ESRRB: variants seen among roughly 807,000 people sequenced by gnomAD.
ESRRB encodes steroid hormone receptor ERR2.
ESRRB carries 16 observed loss-of-function variants against 46.0 expected under a neutral mutation model. The observed-to-expected ratio is 0.35, with a 90% confidence interval of 0.24 to 0.53. The LOEUF (loss-of-function observed/expected upper bound fraction) is 0.53. Among genes scored for constraint, ESRRB ranks in the 20% least tolerant of loss-of-function variants. The pLI is 0.93. For synonymous variants in ESRRB, 246 were observed against 259.6 expected (o/e 0.95, Z 0.50); for missense variants, 488 against 607.4 (o/e 0.80, Z 2.07).
chr14:76,371,576 C>T (rs1884626219), upstream of ESRRB: 2 of 152,276 alleles, frequency 1.3e-5, no homozygotes, highest in Admixed American at 1.3e-4. Flanking sequence ...CCTCCCCTTC[C>T]TGGGCTGGTG....
chr14:76,320,588 C>T (rs553044386), intron 1 of ESRRB, among the ~76,000 whole-genome samples: 2 of 152,204 alleles, frequency 1.3e-5, no homozygotes, highest in Non-Finnish European at 2.9e-5. Flanking sequence ...GCACTTGACA[C>T]GCTTTGGATG....
chr14:76,443,600 T>G (rs1406069825), intron 2 of ESRRB, among the ~76,000 whole-genome samples: 1 of 152,224 alleles, frequency 6.6e-6, no homozygotes, highest in Admixed American at 6.5e-5. Flanking sequence ...TTTTAGACTC[T>G]TTGAGGTCAG....
intron 2 of ESRRB, among the ~76,000 whole-genome samples, chr14:76,456,353 C>T (rs1159936559): frequency 6.6e-6 from 1 of 152,122 alleles, no homozygotes; most frequent in Non-Finnish European, 1.5e-5. Flanking sequence ...CATGATGGGC[C>T]AGAGAACCCA....
chr14:76,465,164 G>A (rs911242967), intron 3 of ESRRB, among the ~76,000 whole-genome samples: 6 of 152,148 alleles, frequency 3.9e-5, no homozygotes, highest in Admixed American at 1.3e-4. Context: ...AGCCCTACAG[G>A]GGCTGGGGTG....
At chr14:76,355,486 A>G (rs1884368896) in intron 1 of ESRRB, among the ~76,000 whole-genome samples, 1 of 152,094 alleles carries the variant, frequency 6.6e-6, no homozygotes. Flanking sequence ...CATCCAAGCC[A>G]TGTCACTGAG....
At chr14:76,384,347 G>T (rs1008226683) in intron 1 of ESRRB, among the ~76,000 whole-genome samples, 1 of 152,094 alleles carries the variant, frequency 6.6e-6, no homozygotes, top group African/African-American at 2.4e-5. Flanking sequence ...CCCAAAAAGC[G>T]CAAAGCAATT....
intron 1 of ESRRB, among the ~76,000 whole-genome samples, chr14:76,317,068 A>G (rs2139722854): frequency 6.6e-6 from 1 of 152,312 alleles, no homozygotes; most frequent in African/African-American, 2.4e-5. Flanking sequence ...ATTAGCACAG[A>G]CAAGGCTTTT....
chr14:76,472,802 T>C (rs951703415), intron 3 of ESRRB, among the ~76,000 whole-genome samples: 2 of 152,218 alleles, frequency 1.3e-5, no homozygotes, highest in African/African-American at 2.4e-5. Flanking sequence ...AGCTATAGTT[T>C]GGTAGAACCT....
At chr14:76,345,580 C>T (rs1304109443) in intron 1 of ESRRB, among the ~76,000 whole-genome samples, 1 of 152,190 alleles carries the variant, frequency 6.6e-6, no homozygotes. Flanking sequence ...AGGAACACTT[C>T]CACACTGCTG....
intron 3 of ESRRB, among the ~76,000 whole-genome samples, chr14:76,469,462 C>T (rs1057434399): frequency 1.4e-4 from 21 of 152,218 alleles, no homozygotes; most frequent in African/African-American, 4.8e-4. Context: ...TCTCTCACTA[C>T]TGGATCATTT....
chr14:76,369,220 T>C (rs1884563031), upstream of ESRRB, among the ~76,000 whole-genome samples: 1 of 150,882 alleles, frequency 6.6e-6, no homozygotes, highest in South Asian at 2.1e-4. Context: ...ATCTTAACCA[T>C]GTTTTCTATA....
At position 76,491,611 on chromosome 14, in the gene ESRRB, C is replaced by T. The variant is rs1448855982; in HGVS notation, c.1015C>T (p.Leu339=). ...GGAGCACTCCCGCCTCGCGGGGCTGCTGGAGCTCTACCGGGCCATCCTGCA... is the reference window on the plus strand; with the variant it reads ...GGAGCACTCCCGCCTCGCGGGGCTGTTGGAGCTCTACCGGGCCATCCTGCA... ...DEEHSRLAGL[L]ELYRAILQLV... Residue 339 remains leucine, a synonymous_variant, in exon 6 of 7, where the codon CTG becomes TTG. Coordinates refer to ENST00000644823, the MANE Select transcript of ESRRB (RefSeq NM_001379180.1). 2 of 1,585,982 alleles carry T rather than the reference C, an allele frequency of 1.3e-6. No individual in the cohort carries two copies. The highest frequency in any genetic ancestry group is 4.5e-5 in the East Asian group (2 of 44,030).
At chr14:76,334,035 T>G (rs1884096153) in intron 1 of ESRRB, among the ~76,000 whole-genome samples, 1 of 152,176 alleles carries the variant, frequency 6.6e-6, no homozygotes, top group African/African-American at 2.4e-5. Flanking sequence ...TTAGGAGAAC[T>G]ATAGAAGCTC....
At position 76,376,538 on chromosome 14, in the gene ESRRB, C is replaced by A; in HGVS notation, c.50+87C>A. The A allele has an allele frequency of 9.8e-7, 1 of 1,017,166 alleles. No homozygotes were observed. The highest frequency in any genetic ancestry group is 1.3e-6 in the Non-Finnish European group (1 of 792,646). The allele number at this position is 1,017,166 out of a possible 1,614,324, so 63.0% of individuals were successfully genotyped here. ...GATCGCAGTTCCTTTTCTGCACATT[C>A]TTGTGTAAAAGTGGAAGGGACTTCG... is the stretch of plus-strand genomic sequence containing the variant. On this transcript the variant is annotated intron_variant, in intron 1 of 6. Transcript: ENST00000644823. The surrounding 1 kb of genome is among the most constrained non-coding windows in gnomAD (Gnocchi z 4.1).
chr14:76,419,784 G>T (rs570277746), intron 1 of ESRRB, among the ~76,000 whole-genome samples: 1 of 152,334 alleles, frequency 6.6e-6, no homozygotes, highest in East Asian at 1.9e-4. Flanking sequence ...GGTCATGGAG[G>T]AAAGAAGGGC....
intron 1 of ESRRB, among the ~76,000 whole-genome samples, chr14:76,417,460 G>A (rs548617276): frequency 6.6e-6 from 1 of 152,278 alleles, no homozygotes; most frequent in South Asian, 2.1e-4. Context: ...TTTCTCTGGT[G>A]TCTTCTAGTT....
chr14:76,335,924 A>G (rs1884121639), intron 1 of ESRRB, among the ~76,000 whole-genome samples: 1 of 152,210 alleles, frequency 6.6e-6, no homozygotes, highest in South Asian at 2.1e-4. Context: ...CAACAACCCC[A>G]GAATAGCTTC....
intron 1 of ESRRB, among the ~76,000 whole-genome samples, chr14:76,418,336 C>T (rs542386223): frequency 6.6e-6 from 1 of 152,282 alleles, no homozygotes; most frequent in East Asian, 1.9e-4. Flanking sequence ...CAGAGGACTC[C>T]TGTATAACCC....
intron 1 of ESRRB, among the ~76,000 whole-genome samples, chr14:76,390,436 C>T (rs756222513): frequency 8.6e-5 from 13 of 152,034 alleles, no homozygotes; most frequent in Non-Finnish European, 1.6e-4. Flanking sequence ...TTGCAATGAG[C>T]CAAGATTGCG....
Sources: allele counts gnomAD v4.1 joint callset (sites outside exome capture counted in the v4.1 genomes callset), GRCh38; gene constraint gnomAD v4.1.1; non-coding constraint Gnocchi (gnomAD v3.1); transcripts MANE v1.5; gene names NCBI Gene and HGNC (gene_info 2026-07-23, HGNC 2026-07-21).